Variants in ZNF717 observed in about 807,000 individuals in gnomAD.
The protein encoded by ZNF717 is zinc finger protein 717.
ZNF717 carries 9 observed loss-of-function variants against 13.8 expected under a neutral mutation model. That is an observed-to-expected ratio of 0.65 (90% CI 0.39 to 1.14). The LOEUF is 1.14. ZNF717 is among the 50% of genes most tolerant of loss of function. The probability of loss-of-function intolerance (pLI) is 0.01; values close to 1 mark genes in which losing one functional copy is unlikely to be tolerated. For synonymous variants in ZNF717, 327 were observed against 364.1 expected (o/e 0.90, Z 1.16); for missense variants, 1,040 against 1,080.7 (o/e 0.96, Z 0.53).
chr3:75,737,012 C>G lies in ZNF717; in HGVS notation c.2611G>C (p.Glu871Gln). The G allele has an allele frequency of 6.3e-7, 1 of 1,598,614 alleles. No individual in the cohort carries two copies. The highest frequency in any genetic ancestry group is 8.5e-7 in the Non-Finnish European group (1 of 1,172,588). The change falls in exon 5 of 5, where the codon GAA (glutamate) becomes CAA (glutamine). Residue 871 changes from glutamate to glutamine, a missense_variant. Glu to Gln is a conservative substitution (Grantham distance 29). This residue lies in a region of ZNF717 where 44 missense variants were observed against 70.1 expected (regional missense o/e 0.63). Coordinates refer to ENST00000652011, the MANE Select transcript of ZNF717 (RefSeq NM_001290208.3). ...AAGGTTTTCCCACATTCCTTACATT[C>G]ATAAGGTTTTTCTCCTGTGTGTGTT... The part of the protein sequence containing the change: ...QRTHTGEKPY[E>Q]CKECGKTFCQ...
In ZNF717 at chr3:75,739,621, T is replaced by C. The variant is rs1234714521; in HGVS notation, c.278-276A>G. ...GAATTATTTGGTAATAATATGCATC[T>C]ACTTCCTACTCATAGGTTTTAATAA... On this transcript the variant is annotated intron_variant, in intron 4 of 4. Transcript: ENST00000652011. Among the ~76,000 whole-genome samples the C allele has an allele frequency of 1.6e-4, 25 of 152,340 alleles. 1 individual carries two copies. In the East Asian group the frequency reaches 4.6e-3, roughly 28 times the overall value.
At chr3:75,723,318 T>C (rs1309913214) in intron 4 of ZNF717, among the ~76,000 whole-genome samples, 9 of 135,148 alleles carry the variant, frequency 6.7e-5, no homozygotes, top group African/African-American at 2.5e-4. Flanking sequence ...GGTGCAATCA[T>C]AGCTCACTGC....
intron 6 of ZNF717, among the ~76,000 whole-genome samples, chr3:75,699,845 T>A (rs372828943): frequency 1.3e-5 from 2 of 152,304 alleles, no homozygotes; most frequent in African/African-American, 2.4e-5. Context: ...GATTTCTATA[T>A]GCCAAGAGTC....
intron 2 of ZNF717, among the ~76,000 whole-genome samples, chr3:75,766,461 A>G (rs1156971840): frequency 2.0e-5 from 3 of 152,246 alleles, no homozygotes; most frequent in Non-Finnish European, 4.4e-5. Context: ...AAGTAAAAGA[A>G]TCAGAGAGGA....
At chr3:75,745,273 G>A (rs1325748968) in intron 2 of ZNF717, among the ~76,000 whole-genome samples, 23 of 151,488 alleles carry the variant, frequency 1.5e-4, no homozygotes, top group Admixed American at 5.3e-4. Context: ...TCAGACCAAT[G>A]CAGTAGCGTT....
exon 6 of ZNF717, chr3:75,710,320 CTTT>C (rs1559568978): frequency 6.6e-6 from 1 of 152,202 alleles, no homozygotes; most frequent in Non-Finnish European, 1.5e-5. Flanking sequence ...CTGTCTTCTT[CTTT>C]TGTGTCTATA....
At chr3:75,726,273 G>T (rs1938278073), downstream of ZNF717, among the ~76,000 whole-genome samples, 1 of 152,246 alleles carries the variant, frequency 6.6e-6, no homozygotes, top group African/African-American at 2.4e-5. Context: ...TATTTTAGGA[G>T]TTGTAAATAG....
chr3:75,726,786 A>G (rs1177050055), downstream of ZNF717, among the ~76,000 whole-genome samples: 50 of 151,346 alleles, frequency 3.3e-4, no homozygotes, highest in Admixed American at 3.3e-3. Flanking sequence ...TTCAAAGTGC[A>G]GTTGTTCCTC....
intron 5 of ZNF717, among the ~76,000 whole-genome samples, chr3:75,714,301 C>T (rs1427910943): frequency 1.3e-5 from 2 of 151,942 alleles, no homozygotes; most frequent in African/African-American, 4.8e-5. Context: ...ACTGCTAGAC[C>T]ACGGTCCGCT....
intron 2 of ZNF717, among the ~76,000 whole-genome samples, chr3:75,773,346 G>A (rs58263125): frequency 0.077 from 11,714 of 152,054 alleles, 413 homozygotes; most frequent in African/African-American, 0.16. Context: ...TTACAGAAAC[G>A]GCAAAATCTT....
chr3:75,725,757 C>T (rs1164956632), downstream of ZNF717, among the ~76,000 whole-genome samples: 5 of 152,196 alleles, frequency 3.3e-5, no homozygotes, highest in African/African-American at 1.2e-4. Context: ...GACTTATTCA[C>T]TATCATAAGA....
chr3:75,721,002 T>A (rs1352502628), intron 4 of ZNF717, among the ~76,000 whole-genome samples: 2 of 152,162 alleles, frequency 1.3e-5, no homozygotes, highest in Non-Finnish European at 2.9e-5. Flanking sequence ...GCATTGTTTT[T>A]AAAATCAATA....
chr3:75,774,610 GTTTT>G (rs537149833), intron 2 of ZNF717, among the ~76,000 whole-genome samples: 201 of 80,202 alleles, frequency 2.5e-3, no homozygotes, highest in Admixed American at 3.5e-3. Context: ...AATTCTTGTG[GTTTT>G]TTTTTTTTTT....
intron 2 of ZNF717, among the ~76,000 whole-genome samples, chr3:75,773,053 T>C (rs78114707): frequency 2.6e-3 from 322 of 123,374 alleles, no homozygotes; most frequent in South Asian, 8.6e-3. Context: ...CCAGTTCCAG[T>C]TAGAGGCCTC....
chr3:75,728,308 TAGG>T (rs1938333881), downstream of ZNF717, among the ~76,000 whole-genome samples: 2 of 152,246 alleles, frequency 1.3e-5, no homozygotes, highest in African/African-American at 4.8e-5. Context: ...TCAATCACTT[TAGG>T]AGGTTTATTT....
At chr3:75,732,503 T>C (rs1276993901), downstream of ZNF717, among the ~76,000 whole-genome samples, 2 of 152,190 alleles carry the variant, frequency 1.3e-5, no homozygotes, top group Admixed American at 6.5e-5. Flanking sequence ...CTTTGAAAGG[T>C]AATGGCAAAG....
chr3:75,758,763 CA>C (rs1250214595), intron 2 of ZNF717, among the ~76,000 whole-genome samples: 1 of 151,996 alleles, frequency 6.6e-6, no homozygotes, highest in Admixed American at 6.6e-5. Context: ...CCTGTCATCC[CA>C]ACACTTTGGG....
chr3:75,729,129 G>A (rs1484768454), downstream of ZNF717, among the ~76,000 whole-genome samples: 1 of 24,096 alleles, frequency 4.2e-5, no homozygotes, highest in Non-Finnish European at 9.6e-5. Flanking sequence ...AACAGGGAGG[G>A]TGAACAATCA....
chr3:75,762,050 T>TGA (rs1943069841), intron 2 of ZNF717, among the ~76,000 whole-genome samples: 1 of 124,208 alleles, frequency 8.1e-6, no homozygotes, highest in Non-Finnish European at 1.7e-5. Context: ...TGAGACGCCA[T>TGA]CTCAAAAAAA....
Sources: allele counts gnomAD v4.1 joint callset (sites outside exome capture counted in the v4.1 genomes callset), GRCh38; gene constraint gnomAD v4.1.1; regional missense constraint gnomAD v4.1.1; transcripts MANE v1.5; gene names NCBI Gene and HGNC (gene_info 2026-07-23, HGNC 2026-07-21).